TENM2: variants seen among roughly 807,000 people sequenced by gnomAD.
TENM2 encodes the protein teneurin transmembrane protein 2.
TENM2 carries 52 observed loss-of-function variants against 245.2 expected under a neutral mutation model. The ratio of observed to expected loss-of-function variants is 0.21; its 90% CI spans 0.17 to 0.27. The LOEUF (loss-of-function observed/expected upper bound fraction) is 0.27. Ranked by LOEUF, TENM2 falls within the 10% of genes least tolerant of loss-of-function variation. The pLI, the probability that TENM2 is intolerant of heterozygous loss-of-function variation, is 1.00. For missense variants in TENM2, 3,046 were observed against 3,666.8 expected (o/e 0.83, Z 4.37); for synonymous variants, 1,363 against 1,438.9 (o/e 0.95, Z 1.19).
At chr5:167,816,827 T>G in intron 2 of TENM2, among the ~76,000 whole-genome samples, 1 of 138,930 alleles carries the variant, frequency 7.2e-6, no homozygotes, top group Non-Finnish European at 1.6e-5. Context: ...ATGACCCGGG[T>G]GAAGTACACC....
At chr5:168,190,704 C>T in intron 14 of TENM2, 157 bp downstream of exon 16, 1 of 619,124 alleles carries the variant, frequency 1.6e-6, no homozygotes, top group East Asian at 2.8e-5. Flanking sequence ...AGTGCCCTTT[C>T]CTCACTTTGT....
chr5:167,096,174 G>A, the TENM2 span, among the ~76,000 whole-genome samples: 3 of 152,112 alleles, frequency 2.0e-5, no homozygotes, highest in African/African-American at 4.8e-5. Context: ...ACAATGTGAT[G>A]TTTTGATACG....
chr5:167,926,699 G>A (rs529413887), intron 3 of TENM2, among the ~76,000 whole-genome samples: 10 of 149,816 alleles, frequency 6.7e-5, no homozygotes, highest in African/African-American at 2.5e-4. Context: ...TTCAGCCTGG[G>A]TGACAGAGTG....
intron 5 of TENM2, 76 bp from the exon 8 acceptor site, chr5:168,047,351 G>A: frequency 6.6e-7 from 1 of 1,520,142 alleles, no homozygotes. Flanking sequence ...TTGGAAAAGG[G>A]CACCTGGCCC....
At chr5:167,495,816 T>G (rs921744194) in intron 2 of TENM2, among the ~76,000 whole-genome samples, 1 of 152,102 alleles carries the variant, frequency 6.6e-6, no homozygotes, top group African/African-American at 2.4e-5. Context: ...CAATAAAGGT[T>G]TAAATGTTTT....
chr5:167,780,005 C>T (rs1764081079), intron 2 of TENM2, among the ~76,000 whole-genome samples: 1 of 152,154 alleles, frequency 6.6e-6, no homozygotes, highest in Admixed American at 6.5e-5. Context: ...TCTTAAATAT[C>T]CCAAATTTGT....
chr5:167,264,790 A>G, the TENM2 span, among the ~76,000 whole-genome samples: 1 of 152,070 alleles, frequency 6.6e-6, no homozygotes, highest in Non-Finnish European at 1.5e-5. Flanking sequence ...CACTTTACAC[A>G]CTTCGGGCAT....
In TENM2 at chr5:167,461,246, A is replaced by C. The variant is rs552244341; in HGVS notation, c.502+85773A>C. On this transcript the variant is annotated intron_variant, in intron 2 of 28. Coordinates refer to ENST00000518659, the Ensembl canonical transcript of TENM2. ...TTTTTTTTTTTTAACTTTCTTTTTT[A>C]GGGCACTTGAAATTTCTTCAGGGAT... Among the ~76,000 whole-genome samples, 26 of 151,062 alleles carry C rather than the reference A, an allele frequency of 1.7e-4. No individual in the cohort carries two copies. In the East Asian group the frequency reaches 5.1e-3, roughly 29 times the overall value.
intron 2 of TENM2, chr5:167,821,042 G>C (rs1020062626): frequency 2.0e-5 from 3 of 152,190 alleles, no homozygotes; most frequent in African/African-American, 7.2e-5. Flanking sequence ...GAAAAGGTGG[G>C]GAGTGGGGTA....
chr5:166,987,434 TG>T, the TENM2 span, among the ~76,000 whole-genome samples: 1 of 151,822 alleles, frequency 6.6e-6, no homozygotes. Flanking sequence ...TGTGTGTGTG[TG>T]TGTGTGTGTG....
intron 2 of TENM2, among the ~76,000 whole-genome samples, chr5:167,521,203 G>T (rs1770733299): frequency 6.6e-6 from 1 of 151,998 alleles, no homozygotes; most frequent in Admixed American, 6.6e-5. Context: ...AGAGACAAAG[G>T]TTGCCGAAAA....
chr5:168,249,872 A>G (rs1178685712), intron 27 of TENM2, among the ~76,000 whole-genome samples: 2 of 152,162 alleles, frequency 1.3e-5, no homozygotes, highest in East Asian at 3.9e-4. Flanking sequence ...AAAGAAATGA[A>G]AGGAAAAGAA....
intron 2 of TENM2, among the ~76,000 whole-genome samples, chr5:167,798,743 C>G (rs887749085): frequency 6.6e-6 from 1 of 152,170 alleles, no homozygotes; most frequent in East Asian, 1.9e-4. Context: ...ATTTAGTCAG[C>G]TTTTACTGTC....
chr5:168,235,117 A>C (rs1224360205), intron 25 of TENM2, among the ~76,000 whole-genome samples: 2 of 152,198 alleles, frequency 1.3e-5, no homozygotes, highest in East Asian at 3.9e-4. Context: ...CTGTTAACAC[A>C]CACAAGTCAT....
chr5:167,491,045 A>C (rs1768400384), intron 2 of TENM2, among the ~76,000 whole-genome samples: 1 of 152,202 alleles, frequency 6.6e-6, no homozygotes, highest in African/African-American at 2.4e-5. Flanking sequence ...GACACAAGGA[A>C]TAAGCTATGA....
At chr5:167,596,805 A>AAAG (rs1284593790) in intron 2 of TENM2, among the ~76,000 whole-genome samples, 1 of 151,886 alleles carries the variant, frequency 6.6e-6, no homozygotes, top group African/African-American at 2.4e-5. Context: ...CAAAAAAAAA[A>AAAG]AAAAAGAAGA....
In TENM2 at chr5:167,411,573, AGTGTGTGT is replaced by A. The variant is rs60856762; in HGVS notation, c.502+36129_502+36136del. On this transcript the variant is annotated intron_variant, in intron 2 of 28. Coordinates refer to ENST00000518659, the Ensembl canonical transcript of TENM2. ...GTGTGCATGTGTATATGTAGGTGAG[AGTGTGTGT>A]GTGTGTGTGTGTGTGTGTGTGTGTG... Among the ~76,000 whole-genome samples, 446 of 145,138 alleles carry A rather than the reference AGTGTGTGT, an allele frequency of 3.1e-3. 2 individuals are homozygous for A. The highest frequency in any genetic ancestry group is 0.014 in the South Asian group (61 of 4,442).
In TENM2 at chr5:168,096,027, A is replaced by C. The variant is rs372999042; in HGVS notation, c.1712-1999A>C. ...TGAGCTTACTGAACCCGAGCCTCTTAGAATGGGAAGTAAGCTTGCTTATTC... is the reference window on the plus strand; with the variant it reads ...TGAGCTTACTGAACCCGAGCCTCTTCGAATGGGAAGTAAGCTTGCTTATTC... On this transcript the variant is annotated intron_variant, in intron 8 of 28. Coordinates refer to ENST00000518659, the Ensembl canonical transcript of TENM2. Among the ~76,000 whole-genome samples, 7 of 152,206 alleles carry C rather than the reference A, an allele frequency of 4.6e-5. No homozygotes were observed. In the East Asian group the frequency reaches 1.3e-3, roughly 29 times the overall value.
intron 2 of TENM2, among the ~76,000 whole-genome samples, chr5:167,482,984 C>T (rs1767848132): frequency 6.6e-6 from 1 of 152,176 alleles, no homozygotes; most frequent in South Asian, 2.1e-4. Flanking sequence ...ACGTTAAATT[C>T]AGCTTCTTTC....
Sources: gnomAD v4.1 joint callset for allele counts (sites outside exome capture counted in the v4.1 genomes callset) on GRCh38, gnomAD v4.1.1 for gene constraint, MANE v1.5 for transcripts, NCBI Gene and HGNC (gene_info 2026-07-23, HGNC 2026-07-21) for gene names.